Variants in LRTM1 observed in about 807,000 individuals in gnomAD.
LRTM1 encodes the protein leucine rich repeat transmembrane protein 1.
Under a neutral mutation model 32.4 loss-of-function variants are expected in LRTM1, and 38 were observed. The observed-to-expected ratio is 1.17, with a 90% CI of 0.91 to 1.54. The LOEUF (loss-of-function observed/expected upper bound fraction) is 1.54, where lower values mean the gene tolerates loss of function less well. LRTM1 is among the 40% of genes most tolerant of loss of function. The pLI is 0.00. For synonymous variants in LRTM1, 186 were observed against 169.9 expected, an observed-to-expected ratio of 1.09 and a Z score of -0.74; for missense variants, 466 against 415.4, an observed-to-expected ratio of 1.12 and a Z score of -1.06.
chr3:54,935,657 T>C (rs1701309766), intron 1 of LRTM1, among the ~76,000 whole-genome samples: 1 of 152,252 alleles, frequency 6.6e-6, no homozygotes, highest in Non-Finnish European at 1.5e-5. Flanking sequence ...TTTGCAGTTC[T>C]TGTTGTTGGG....
At chr3:54,930,383 A>T (rs116515682), upstream of LRTM1, among the ~76,000 whole-genome samples, 11 of 152,190 alleles carry the variant, frequency 7.2e-5, no homozygotes, top group African/African-American at 2.4e-4. Flanking sequence ...CATAAATGGG[A>T]TTGAAAGGCA....
chr3:54,918,707 C>A lies in LRTM1; in HGVS notation c.790G>T (p.Gly264Trp). The A allele has an allele frequency of 6.2e-7, 1 of 1,614,170 alleles. No homozygotes were observed. Among genetic ancestry groups the A allele is most frequent in the Non-Finnish European group, 8.5e-7 (1 of 1,180,030 alleles). Residue 264 changes from glycine (G) to tryptophan (W), a missense_variant, in exon 3 of 3, where the codon GGG (glycine) becomes TGG (tryptophan). Transcript: ENST00000273286. ...VLRPPENHNA[G>W]ERELLECELK... ...TCGCACTCCAAGAGTTCTCGCTCCC[C>A]CGCGTTGTGGTTCTCAGGAGGCCTC...
intron 1 of LRTM1, among the ~76,000 whole-genome samples, chr3:54,942,618 C>T (rs754604896): frequency 6.6e-6 from 1 of 151,948 alleles, no homozygotes; most frequent in Non-Finnish European, 1.5e-5. Context: ...GCCAGGCATA[C>T]TGGTTCACGC....
chr3:54,955,685 G>A (rs1351468190), intron 1 of LRTM1, among the ~76,000 whole-genome samples: 2 of 152,136 alleles, frequency 1.3e-5, no homozygotes, highest in Non-Finnish European at 2.9e-5. Flanking sequence ...GAGGGACACT[G>A]AGATCAGACA....
intron 1 of LRTM1, among the ~76,000 whole-genome samples, chr3:54,965,907 G>A (rs936420371): frequency 6.6e-6 from 1 of 152,124 alleles, no homozygotes; most frequent in East Asian, 1.9e-4. Context: ...GGACCAGGAC[G>A]AGGATGCAGC....
At chr3:54,960,114 T>C (rs1575408426) in intron 1 of LRTM1, among the ~76,000 whole-genome samples, 1 of 145,616 alleles carries the variant, frequency 6.9e-6, no homozygotes, top group South Asian at 2.2e-4. Flanking sequence ...ATGAAAGAAA[T>C]GTGTGGCCAA....
chr3:54,940,680 A>G (rs1374455893), intron 1 of LRTM1, among the ~76,000 whole-genome samples: 1 of 152,204 alleles, frequency 6.6e-6, no homozygotes, highest in Non-Finnish European at 1.5e-5. Flanking sequence ...AAAAGAAGCA[A>G]ACAATAAGGC....
Position 54,943,479 on chromosome 3 carries a change from A to G in LRTM1, c.-221-18264T>C, listed in dbSNP as rs546853147. Reference sequence around the variant, plus strand: ...ACCAACATGACTGTATGCCCATTTCATTGTTCTTGATTAATTAGTCAGCGA... The same window carrying G: ...ACCAACATGACTGTATGCCCATTTCGTTGTTCTTGATTAATTAGTCAGCGA... On this transcript the variant is annotated intron_variant, in intron 1 of 2. Coordinates refer to the LRTM1 transcript ENST00000493075. Among the ~76,000 whole-genome samples the G allele has an allele frequency of 7.2e-5, 11 of 152,168 alleles. 1 individual carries two copies. The highest frequency in any genetic ancestry group is 2.4e-4 in the African/African-American group (10 of 41,522).
In LRTM1 at chr3:54,924,652, G is replaced by C; in HGVS notation, c.571C>G (p.Leu191Val). The C allele has an allele frequency of 6.2e-7, 1 of 1,614,082 alleles. No individual in the cohort carries two copies. The change falls in exon 2 of 3, where the codon CTT (leucine) becomes GTT (valine). Residue 191 changes from leucine (L) to valine (V), a missense_variant. Coordinates refer to ENST00000273286, the MANE Select transcript of LRTM1 (RefSeq NM_020678.4). ...ACAAATTTCTCCAGCCAGAGTTTAA[G>C]ACCGAGCAAGTGGCAATTGCATTTC... The part of the protein sequence containing the change: ...LWKCNCHLLG[L>V]KLWLEKFVYK...
At chr3:54,936,001 A>C (rs1421388571) in intron 1 of LRTM1, among the ~76,000 whole-genome samples, 4 of 152,170 alleles carry the variant, frequency 2.6e-5, no homozygotes. Context: ...TCTGGAGTGA[A>C]ACCATCTAGG....
At position 54,927,978 on chromosome 3, in the gene LRTM1, C is replaced by G. The variant is rs532855794; in HGVS notation, c.-67G>C. 6.6e-7 allele frequency: 1 copy of G among 1,504,500 alleles called. No individual in the cohort carries two copies. The highest frequency in any genetic ancestry group is 2.3e-5 in the East Asian group (1 of 44,282). The allele number at this position is 1,504,500 out of a possible 1,614,324, so 93.2% of individuals were successfully genotyped here. On this transcript the variant is annotated 5_prime_UTR_variant, in exon 1 of 3. Coordinates refer to ENST00000273286, the MANE Select transcript of LRTM1 (RefSeq NM_020678.4). The stretch of plus-strand genomic sequence containing the variant: ...TTTAATTAATGTGCAGAGCAACACA[C>G]GAAGGGCATGGCAGACTCAGAGCCC...
intron 1 of LRTM1, among the ~76,000 whole-genome samples, chr3:54,944,814 GGT>G (rs34193625): frequency 0.032 from 3,595 of 111,032 alleles, 131 homozygotes; most frequent in African/African-American, 0.14. Context: ...TAGAGCTGGG[GGT>G]GTGTGTGTGT....
chr3:54,927,132 T>C (rs1439369693), intron 1 of LRTM1, among the ~76,000 whole-genome samples: 1 of 152,256 alleles, frequency 6.6e-6, no homozygotes, highest in African/African-American at 2.4e-5. Context: ...GATTGTTTGC[T>C]TGCTTGCTTG....
intron 1 of LRTM1, chr3:54,966,821 AC>A: frequency 6.6e-6 from 1 of 152,378 alleles, no homozygotes; most frequent in Non-Finnish European, 1.5e-5. Context: ...TCTGTCTCAA[AC>A]AAACAAACAA....
At chr3:54,949,898 A>T (rs1701713919) in intron 1 of LRTM1, among the ~76,000 whole-genome samples, 1 of 152,172 alleles carries the variant, frequency 6.6e-6, no homozygotes, top group Non-Finnish European at 1.5e-5. Flanking sequence ...ATGAGGCATT[A>T]TTCATGTCTA....
intron 2 of LRTM1, among the ~76,000 whole-genome samples, chr3:54,922,925 C>CAAG (rs369093112): frequency 4.7e-4 from 71 of 152,280 alleles, no homozygotes; most frequent in African/African-American, 1.6e-3. Context: ...TTATGGTCTT[C>CAAG]TCTTAGTCAT....
intron 1 of LRTM1, among the ~76,000 whole-genome samples, chr3:54,946,817 T>TAA (rs11295270): frequency 6.9e-6 from 1 of 145,544 alleles, no homozygotes; most frequent in African/African-American, 2.5e-5. Context: ...TGTGGTTTAT[T>TAA]AAAAAAAAAA....
intron 1 of LRTM1, among the ~76,000 whole-genome samples, chr3:54,963,283 A>G (rs1369869068): frequency 6.6e-6 from 1 of 152,076 alleles, no homozygotes; most frequent in African/African-American, 2.4e-5. Context: ...GAGTGGTAGT[A>G]TGGACGGGTT....
rs181431638 is a variant in LRTM1 at position 54,928,005 on chromosome 3, G to C, written c.-94C>G. 3.8e-4 allele frequency: 443 copies of C among 1,165,774 alleles called. 2 individuals carry two copies. In the African/African-American group the frequency reaches 5.8e-3, roughly 15 times the overall value. 72.2% of individuals were successfully genotyped at this position (1,165,774 alleles called of 1,614,324 possible). A position where few individuals can be genotyped will look rare whatever the true frequency, so the allele number is the denominator to read the frequency against. On this transcript the variant is annotated 5_prime_UTR_variant, in exon 1 of 3. Coordinates refer to ENST00000273286, the MANE Select transcript of LRTM1 (RefSeq NM_020678.4). ...AAGGGCATGGCAGACTCAGAGCCCA[G>C]CTTTACATTCAGTCTTTCTGAACCC...
Sources: gnomAD v4.1 joint callset for allele counts (sites outside exome capture counted in the v4.1 genomes callset) on GRCh38, gnomAD v4.1.1 for gene constraint, MANE v1.5 for transcripts, NCBI Gene and HGNC (gene_info 2026-07-23, HGNC 2026-07-21) for gene names.